Variants in WWP1 observed in about 807,000 individuals in gnomAD.
WWP1 encodes the protein WW domain containing E3 ubiquitin protein ligase 1.
In WWP1, 49 loss-of-function variants were observed where a neutral mutation model predicts 130.6. The ratio of observed to expected loss-of-function variants is 0.38; its 90% CI spans 0.30 to 0.48. The LOEUF is 0.48. Ranked by LOEUF, WWP1 falls within the 20% of genes least tolerant of loss-of-function variation. The probability of loss-of-function intolerance (pLI) is 0.99; values close to 1 mark genes in which losing one functional copy is unlikely to be tolerated. For synonymous variants in WWP1, 332 were observed against 367.8 expected, an observed-to-expected ratio of 0.90 and a Z score of 1.11; for missense variants, 809 against 1,100.6, an observed-to-expected ratio of 0.74 and a Z score of 3.75.
chr8:86,430,834 T>G, intron 12 of WWP1, 83 bp downstream of exon 12: 1 of 456,226 alleles, frequency 2.2e-6, no homozygotes, highest in Non-Finnish European at 3.2e-6. Context: ...TATATATATG[T>G]TCCTTATTTT....
intron 24 of WWP1, among the ~76,000 whole-genome samples, chr8:86,464,763 T>G (rs1811951346): frequency 6.6e-6 from 1 of 152,162 alleles, no homozygotes; most frequent in South Asian, 2.1e-4. Context: ...CTGTCCTGCC[T>G]TGGCCTCTGA....
intron 3 of WWP1, among the ~76,000 whole-genome samples, chr8:86,378,030 A>G (rs1414833213): frequency 2.6e-5 from 4 of 151,912 alleles, no homozygotes; most frequent in Non-Finnish European, 5.9e-5. Context: ...TTTTCTCTTT[A>G]CTTCTCTTTT....
At chr8:86,424,823 AGAGGGAGAGGGAG>A in intron 9 of WWP1, among the ~76,000 whole-genome samples, 1 of 31,790 alleles carries the variant, frequency 3.1e-5, no homozygotes, top group Non-Finnish European at 5.7e-5. Flanking sequence ...GACTGTGGGG[AGAGGGAGAGGGAG>A]GGGGAGGGGA....
chr8:86,358,473 T>G (rs575400361), intron 1 of WWP1, among the ~76,000 whole-genome samples: 1 of 114,218 alleles, frequency 8.8e-6, no homozygotes, highest in African/African-American at 3.8e-5. Flanking sequence ...TACACATTTA[T>G]TGAGGAGTTT....
At chr8:86,361,525 A>G (rs1823597059) in intron 1 of WWP1, among the ~76,000 whole-genome samples, 1 of 152,130 alleles carries the variant, frequency 6.6e-6, no homozygotes. Context: ...TCTTCATGCT[A>G]TAGCTTCTTT....
intron 5 of WWP1, among the ~76,000 whole-genome samples, chr8:86,386,350 A>G (rs1825285265): frequency 6.6e-6 from 1 of 152,186 alleles, no homozygotes; most frequent in Non-Finnish European, 1.5e-5. Context: ...TCAAGGCTGC[A>G]GTGAACTATC....
chr8:86,354,763 T>G (rs780565302), intron 1 of WWP1, among the ~76,000 whole-genome samples: 1 of 152,124 alleles, frequency 6.6e-6, no homozygotes, highest in African/African-American at 2.4e-5. Flanking sequence ...TTCTCTATAT[T>G]GTTGTGGAAG....
At chr8:86,456,965 G>A (rs1811481336) in intron 21 of WWP1, among the ~76,000 whole-genome samples, 2 of 151,924 alleles carry the variant, frequency 1.3e-5, no homozygotes, top group Non-Finnish European at 2.9e-5. Flanking sequence ...AACTAGAGAT[G>A]AGGATGATTG....
In WWP1 at chr8:86,465,769, G is replaced by A. The variant is rs372879086; in HGVS notation, c.2670-1025G>A. On this transcript the variant is annotated intron_variant, in intron 24 of 24. Coordinates refer to ENST00000517970, the MANE Select transcript of WWP1 (RefSeq NM_007013.4). ...AAAAATAATTTTTTTTTCTGACCTTGTTATCATACTCTACCTTGAAGTATA... is the reference window on the plus strand; with the variant it reads ...AAAAATAATTTTTTTTTCTGACCTTATTATCATACTCTACCTTGAAGTATA... 5.3e-5 allele frequency among the ~76,000 whole-genome samples: 8 copies of A among 152,196 alleles called. 1 individual carries two copies. The highest frequency in any genetic ancestry group is 3.9e-4 in the East Asian group (2 of 5,190).
chr8:86,388,390 C>T (rs954724018), intron 5 of WWP1, among the ~76,000 whole-genome samples: 4 of 152,050 alleles, frequency 2.6e-5, no homozygotes, highest in African/African-American at 7.2e-5. Context: ...GAGGCCACTA[C>T]GCTTGGCTAG....
chr8:86,398,016 T>C (rs977855552), intron 5 of WWP1, among the ~76,000 whole-genome samples: 1 of 152,204 alleles, frequency 6.6e-6, no homozygotes, highest in Admixed American at 6.5e-5. Flanking sequence ...AATCTGACTC[T>C]TGTGCAGAAA....
At chr8:86,423,924 G>A (rs1454470515) in intron 9 of WWP1, among the ~76,000 whole-genome samples, 2 of 125,964 alleles carry the variant, frequency 1.6e-5, no homozygotes, top group South Asian at 2.7e-4. Flanking sequence ...CTCCCAGATG[G>A]GGCGGCTGGC....
chr8:86,416,393 G>A (rs1351964562), intron 9 of WWP1, among the ~76,000 whole-genome samples: 1 of 152,152 alleles, frequency 6.6e-6, no homozygotes, highest in Non-Finnish European at 1.5e-5. Context: ...GTAGGTCAGT[G>A]GAGGGAGAGA....
intron 1 of WWP1, among the ~76,000 whole-genome samples, chr8:86,366,883 C>A (rs1362537960): frequency 2.0e-5 from 3 of 152,084 alleles, no homozygotes; most frequent in African/African-American, 4.8e-5. Flanking sequence ...AGTAATATTA[C>A]TATATTCGTA....
chr8:86,398,777 C>T lies in WWP1; in HGVS notation c.539+139C>T. On this transcript the variant is annotated intron_variant, in intron 7 of 24. Coordinates refer to ENST00000517970, the MANE Select transcript of WWP1 (RefSeq NM_007013.4). ...GTCTAAGCATGTCATTTGGTTAATT[C>T]TTGTGAAAGTAGCTTTTTAAAAAAT... is the stretch of plus-strand genomic sequence containing the variant. 3 of 849,166 alleles carry T rather than the reference C, an allele frequency of 3.5e-6. No homozygotes were observed. In the South Asian group the frequency reaches 5.6e-5, roughly 16 times the overall value. 52.6% of individuals were successfully genotyped at this position (849,166 alleles called of 1,614,324 possible).
Position 86,435,468 on chromosome 8 carries a change from C to A in WWP1, c.1618C>A (p.Gln540Lys), listed in dbSNP as rs745853949. ...TTTCTTTAGAACTAAAGGTGGTCCACAAATTGCTTATGAACGCGGCTTTAG... is the reference window on the plus strand; with the variant it reads ...TTTCTTTAGAACTAAAGGTGGTCCAAAAATTGCTTATGAACGCGGCTTTAG... ...GKSSVTKGGP[Q>K]IAYERGFRWK... The change falls in exon 15 of 25, where the codon CAA becomes AAA. Residue 540 changes from glutamine (Q) to lysine (K), a missense_variant. Coordinates refer to ENST00000517970, the MANE Select transcript of WWP1 (RefSeq NM_007013.4). 5 of 1,614,090 alleles carry A rather than the reference C, an allele frequency of 3.1e-6. No individual in the cohort carries two copies. In the South Asian group the frequency reaches 5.5e-5, roughly 18 times the overall value.
At chr8:86,390,220 C>T (rs61661701) in intron 5 of WWP1, among the ~76,000 whole-genome samples, 20,561 of 149,718 alleles carry the variant, frequency 0.14, 3,733 homozygotes, top group African/African-American at 0.42. Context: ...ACTGGGCGGC[C>T]GGGCAGAGGG....
At chr8:86,345,744 G>C (rs984583091) in intron 1 of WWP1, among the ~76,000 whole-genome samples, 1 of 152,030 alleles carries the variant, frequency 6.6e-6, no homozygotes, top group Non-Finnish European at 1.5e-5. Flanking sequence ...AGAACCTTCA[G>C]GTTCTTCTGT....
chr8:86,458,949 G>A (rs73257101), intron 22 of WWP1, among the ~76,000 whole-genome samples: 7,124 of 151,282 alleles, frequency 0.047, 252 homozygotes, highest in African/African-American at 0.093. Context: ...GGAGAGTACT[G>A]AGTAAATAAA....
Sources: gnomAD v4.1 joint callset for allele counts (sites outside exome capture counted in the v4.1 genomes callset) on GRCh38, gnomAD v4.1.1 for gene constraint, MANE v1.5 for transcripts, NCBI Gene and HGNC (gene_info 2026-07-23, HGNC 2026-07-21) for gene names.